The following KIF16B variants were observed in gnomAD, a reference collection of about 807,000 sequenced individuals.
The protein encoded by KIF16B is kinesin family member 16B.
A neutral mutation model predicts 156.3 loss-of-function variants in KIF16B; 98 were observed. The observed-to-expected ratio is 0.63, with a 90% CI of 0.53 to 0.74. The LOEUF (loss-of-function observed/expected upper bound fraction) is 0.74. Among genes scored for constraint, KIF16B ranks in the 30% least tolerant of loss-of-function variants. The pLI is 0.00. For synonymous variants in KIF16B, 564 were observed against 583.7 expected (o/e 0.97, Z 0.49); for missense variants, 1,421 against 1,606.5 (o/e 0.88, Z 1.97).
chr20:16,494,883 C>T (rs528775711), intron 11 of KIF16B, among the ~76,000 whole-genome samples: 8 of 152,244 alleles, frequency 5.3e-5, no homozygotes, highest in East Asian at 1.9e-4. Context: ...GTTCTTTAAA[C>T]GACTCTTAGT....
intron 3 of KIF16B, among the ~76,000 whole-genome samples, chr20:16,516,895 G>A (rs929245739): frequency 1.3e-5 from 2 of 152,192 alleles, no homozygotes; most frequent in South Asian, 2.1e-4. Context: ...ATTTCAAAGC[G>A]TGGCAACATT....
At chr20:16,317,195 GAT>G (rs2063710568) in intron 24 of KIF16B, among the ~76,000 whole-genome samples, 1 of 152,066 alleles carries the variant, frequency 6.6e-6, no homozygotes, top group Admixed American at 6.6e-5. Flanking sequence ...TAACAGAACA[GAT>G]ATTCTAGTTT....
intron 24 of KIF16B, among the ~76,000 whole-genome samples, chr20:16,323,315 C>T (rs1568849607): frequency 1.3e-5 from 2 of 151,980 alleles, no homozygotes; most frequent in East Asian, 1.9e-4. Flanking sequence ...TAACTAGCAG[C>T]TTTTGAAACA....
chr20:16,287,565 A>T (rs116214810), intron 25 of KIF16B, among the ~76,000 whole-genome samples: 4,484 of 152,348 alleles, frequency 0.029, 66 homozygotes, highest in Middle Eastern at 0.048. Flanking sequence ...AACTGGATTC[A>T]TAAATTTAAT....
At chr20:16,561,824 C>G (rs987013039) in intron 1 of KIF16B, among the ~76,000 whole-genome samples, 1 of 152,120 alleles carries the variant, frequency 6.6e-6, no homozygotes, top group African/African-American at 2.4e-5. Flanking sequence ...CACTGAGAAC[C>G]ATTCTAAAAA....
intron 24 of KIF16B, among the ~76,000 whole-genome samples, chr20:16,319,524 A>G (rs1205255862): frequency 6.6e-6 from 1 of 152,202 alleles, no homozygotes; most frequent in African/African-American, 2.4e-5. Flanking sequence ...CACAGGGCAA[A>G]CTACTGCCCT....
intron 12 of KIF16B, among the ~76,000 whole-genome samples, chr20:16,435,505 T>C (rs776338246): frequency 6.6e-6 from 1 of 152,230 alleles, no homozygotes; most frequent in Non-Finnish European, 1.5e-5. Flanking sequence ...GTGTTGAACA[T>C]CCTCTACTCT....
At chr20:16,299,160 T>C (rs1336034269) in intron 25 of KIF16B, among the ~76,000 whole-genome samples, 1 of 152,134 alleles carries the variant, frequency 6.6e-6, no homozygotes, top group Non-Finnish European at 1.5e-5. Flanking sequence ...AGATATAGCT[T>C]AAAATATTTA....
chr20:16,419,202 T>C (rs1884660), intron 15 of KIF16B, among the ~76,000 whole-genome samples: 73,100 of 151,910 alleles, frequency 0.48, 18,296 homozygotes, highest in East Asian at 0.76. Flanking sequence ...TGAAAAATAG[T>C]TGTTGAATCA....
At chr20:16,556,395 T>C (rs1219358282) in intron 1 of KIF16B, among the ~76,000 whole-genome samples, 2 of 152,212 alleles carry the variant, frequency 1.3e-5, no homozygotes, top group Admixed American at 6.5e-5. Context: ...CACTGTGGCC[T>C]CGATGCAAAA....
intron 12 of KIF16B, among the ~76,000 whole-genome samples, chr20:16,441,259 C>T (rs149474000): frequency 2.0e-5 from 3 of 152,252 alleles, no homozygotes; most frequent in African/African-American, 7.2e-5. Context: ...AAAGCTGGCC[C>T]GTTCTTGTTT....
intron 25 of KIF16B, among the ~76,000 whole-genome samples, chr20:16,307,600 TC>T (rs2122663212): frequency 6.6e-6 from 1 of 152,358 alleles, no homozygotes; most frequent in African/African-American, 2.4e-5. Context: ...CAAAGTGTGG[TC>T]CATGTTTCAG....
intron 15 of KIF16B, among the ~76,000 whole-genome samples, chr20:16,418,859 C>T (rs972859967): frequency 6.6e-6 from 1 of 152,104 alleles, no homozygotes; most frequent in Non-Finnish European, 1.5e-5. Flanking sequence ...TTCCCTTTCC[C>T]CCTCCCTCAA....
At chr20:16,411,767 C>T (rs186285981) in intron 15 of KIF16B, among the ~76,000 whole-genome samples, 44 of 152,006 alleles carry the variant, frequency 2.9e-4, no homozygotes, top group African/African-American at 1.1e-3. Flanking sequence ...CTAGGGGGGC[C>T]TCTTTTCCTT....
intron 25 of KIF16B, among the ~76,000 whole-genome samples, chr20:16,304,877 T>G (rs2063520024): frequency 6.6e-6 from 1 of 152,102 alleles, no homozygotes; most frequent in Admixed American, 6.5e-5. Flanking sequence ...AAAATAAAAC[T>G]AAAGTAGAAT....
chr20:16,499,722 C>G (rs561383998), intron 10 of KIF16B, among the ~76,000 whole-genome samples: 2 of 152,270 alleles, frequency 1.3e-5, no homozygotes, highest in East Asian at 1.9e-4. Context: ...TCTGCCACAT[C>G]ATCAAGTCAG....
chr20:16,353,969 C>T (rs146852958), intron 23 of KIF16B, among the ~76,000 whole-genome samples: 225 of 152,282 alleles, frequency 1.5e-3, no homozygotes, highest in African/African-American at 4.7e-3. Context: ...AACAATGACA[C>T]GCTTCAGAAC....
intron 17 of KIF16B, among the ~76,000 whole-genome samples, chr20:16,389,554 C>A (rs2065312732): frequency 6.6e-6 from 1 of 152,154 alleles, no homozygotes. Context: ...AAATGATTGA[C>A]CTTTTCACCA....
At chr20:16,455,453 T>C (rs995177289) in intron 12 of KIF16B, among the ~76,000 whole-genome samples, 1 of 151,984 alleles carries the variant, frequency 6.6e-6, no homozygotes, top group African/African-American at 2.4e-5. Flanking sequence ...CAGGTGAAGG[T>C]TGACCTTTCA....
Sources: allele counts gnomAD v4.1 joint callset (sites outside exome capture counted in the v4.1 genomes callset), GRCh38; gene constraint gnomAD v4.1.1; transcripts MANE v1.5; gene names NCBI Gene and HGNC (gene_info 2026-07-23, HGNC 2026-07-21).